Variants in SKOR2 observed in about 807,000 individuals in gnomAD.
SKOR2 encodes the protein SKI family transcriptional corepressor 2.
A neutral mutation model predicts 69.1 loss-of-function variants in SKOR2; 47 were observed. The observed-to-expected ratio is 0.68, with a 90% CI of 0.54 to 0.87. The LOEUF is 0.87. Among genes scored for constraint, SKOR2 ranks in the 40% least tolerant of loss-of-function variants. The probability of loss-of-function intolerance (pLI) is 0.00; values close to 1 mark genes in which losing one functional copy is unlikely to be tolerated. For synonymous variants in SKOR2, 717 were observed against 672.6 expected (o/e 1.07, Z -1.02); for missense variants, 1,404 against 1,472.2 (o/e 0.95, Z 0.76).
intron 4 of SKOR2, among the ~76,000 whole-genome samples, chr18:47,236,804 G>A (rs1201426980): frequency 1.3e-5 from 2 of 152,086 alleles, no homozygotes; most frequent in Non-Finnish European, 2.9e-5. Flanking sequence ...AGCCTGGCCA[G>A]ACTAAGACAT....
intron 4 of SKOR2, among the ~76,000 whole-genome samples, chr18:47,243,703 G>C (rs2064258887): frequency 4.6e-5 from 7 of 152,054 alleles, no homozygotes; most frequent in Admixed American, 4.6e-4. Flanking sequence ...TAGACACTTA[G>C]GGCAAATTTG....
Position 47,230,527 on chromosome 18 carries a change from A to G in SKOR2, c.2849T>C (p.Ile950Thr), listed in dbSNP as rs2064193626. The G allele has an allele frequency of 2.8e-6, 4 of 1,439,976 alleles. No individual in the cohort carries two copies. Among genetic ancestry groups the G allele is most frequent in the Non-Finnish European group, 2.7e-6 (3 of 1,103,586 alleles). 89.2% of individuals were successfully genotyped at this position (1,439,976 alleles called of 1,614,324 possible). ...TTGTTCCAGTCGTCTCCGTAAATCTATTTGTTCAAATAAAACCTTCTGAAG... is the reference window on the plus strand; with the variant it reads ...TTGTTCCAGTCGTCTCCGTAAATCTGTTTGTTCAAATAAAACCTTCTGAAG... Reference protein sequence around the residue: ...EELQKVLFEQIDLRRRLEQEF... With the variant: ...EELQKVLFEQTDLRRRLEQEF... Residue 950 changes from isoleucine to threonine, a missense_variant, in exon 6 of 9, where the codon ATA becomes ACA. By Grantham distance (89) the Ile-to-Thr change is moderately conservative. This residue lies in a region of SKOR2 where 1,266 missense variants were observed against 1,309.9 expected (regional missense o/e 0.97). Coordinates refer to ENST00000425639, the MANE Select transcript of SKOR2 (RefSeq NM_001278063.4).
At chr18:47,223,245 C>T (rs1323354988) in intron 6 of SKOR2, among the ~76,000 whole-genome samples, 1 of 152,018 alleles carries the variant, frequency 6.6e-6, no homozygotes, top group Non-Finnish European at 1.5e-5. Flanking sequence ...TATAAATGGG[C>T]ATTCACAAAA....
intron 1 of SKOR2, among the ~76,000 whole-genome samples, chr18:47,250,576 C>T (rs942503219): frequency 3.3e-5 from 5 of 152,226 alleles, no homozygotes; most frequent in African/African-American, 1.2e-4. Flanking sequence ...ACAGTGCTTT[C>T]AGAGGGTACA....
Position 47,248,973 on chromosome 18 carries a change from G to T in SKOR2, c.211C>A (p.Leu71Met). The change falls in exon 2 of 9, where the codon CTG (leucine) becomes ATG (methionine). Residue 71 changes from leucine (L) to methionine (M), a missense_variant. This residue lies in a region of SKOR2 where 104 missense variants were observed against 95.7 expected (regional missense o/e 1.09). Transcript: ENST00000425639. The surrounding 1 kb of genome is among the most constrained non-coding windows in gnomAD (Gnocchi z 6.4). ...RLCLAQISNT[L>M]LKNFSYNEIH... is the part of the protein sequence containing the mutation. ...TCGTTGTAGCTGAAGTTCTTGAGCA[G>T]AGTGTTGGAGATCTGCGCCAGGCAC... 1.3e-6 allele frequency: 2 copies of T among 1,570,372 alleles called. No homozygotes were observed. The highest frequency in any genetic ancestry group is 1.7e-6 in the Non-Finnish European group (2 of 1,165,230).
chr18:47,247,459 C>T lies in SKOR2; in HGVS notation c.1725G>A (p.Pro575=). Residue 575 remains proline (P), a synonymous_variant, in exon 2 of 9, where the codon CCG becomes CCA. Transcript: ENST00000425639. This position sits in a 1 kb window ranked among gnomAD's most constrained non-coding sequence, Gnocchi z 6.6. Reference sequence around the variant, plus strand: ...CGGCAGCTGCCACAGAGTCCGCGGGCGGCGTGGAGCCCGCGCTGCAGTCCC... The same window carrying T: ...CGGCAGCTGCCACAGAGTCCGCGGGTGGCGTGGAGCCCGCGCTGCAGTCCC... ...SGGDCSAGST[P]PADSVAAAGA... The T allele has an allele frequency of 8.1e-7, 1 of 1,233,050 alleles. No individual in the cohort carries two copies. The highest frequency in any genetic ancestry group is 1.0e-6 in the Non-Finnish European group (1 of 988,876). 76.4% of individuals were successfully genotyped at this position (1,233,050 alleles called of 1,614,324 possible).
At chr18:47,249,328 C>T (rs957654179) in intron 1 of SKOR2, 98 bp from the exon 2 acceptor site, 2 of 1,177,214 alleles carry the variant, frequency 1.7e-6, no homozygotes, top group African/African-American at 1.5e-5. Context: ...AACTTTCTTG[C>T]TTTGGTTAAG....
intron 8 of SKOR2, among the ~76,000 whole-genome samples, 154 bp from the exon 9 acceptor site, chr18:47,207,046 C>T (rs2064115283): frequency 1.3e-5 from 2 of 152,102 alleles, no homozygotes; most frequent in South Asian, 4.1e-4. Context: ...CAAGCCAAAC[C>T]AGAAATACTA....
intron 6 of SKOR2, among the ~76,000 whole-genome samples, chr18:47,221,254 C>T (rs1340629631): frequency 6.6e-6 from 1 of 152,136 alleles, no homozygotes; most frequent in East Asian, 1.9e-4. Context: ...GACCCAATCC[C>T]TACTGTCACC....
chr18:47,220,091 A>G, intron 6 of SKOR2, 81 bp from the exon 7 acceptor site: 1 of 1,161,554 alleles, frequency 8.6e-7, no homozygotes, highest in Non-Finnish European at 1.2e-6. Flanking sequence ...CATTATTGAC[A>G]GTCCCATGGA....
chr18:47,218,508 T>C (rs1038095869), intron 7 of SKOR2, among the ~76,000 whole-genome samples: 1 of 146,644 alleles, frequency 6.8e-6, no homozygotes, highest in African/African-American at 2.6e-5. Flanking sequence ...GAGGATTGCT[T>C]GAGCCCAGGA....
intron 6 of SKOR2, among the ~76,000 whole-genome samples, chr18:47,228,715 C>T (rs2064187199): frequency 6.6e-6 from 1 of 152,170 alleles, no homozygotes; most frequent in Admixed American, 6.5e-5. Context: ...TGCAGTCTTT[C>T]TTAAGATACA....
At position 47,247,569 on chromosome 18, in the gene SKOR2, C is replaced by G. The variant is rs1396760685; in HGVS notation, c.1615G>C (p.Gly539Arg). 2.4e-6 allele frequency: 3 copies of G among 1,242,508 alleles called. No homozygotes were observed. Among genetic ancestry groups the G allele is most frequent in the Non-Finnish European group, 3.0e-6 (3 of 994,654 alleles). 77.0% of individuals were successfully genotyped at this position (1,242,508 alleles called of 1,614,324 possible). A position where few individuals can be genotyped will look rare whatever the true frequency, so the allele number is the denominator to read the frequency against. Residue 539 changes from glycine (G) to arginine (R), a missense_variant, in exon 2 of 9, where the codon GGC (glycine) becomes CGC (arginine). Physicochemically the swap from Gly to Arg is moderately radical, Grantham distance 125. Coordinates refer to ENST00000425639, the MANE Select transcript of SKOR2 (RefSeq NM_001278063.4). This position sits in a 1 kb window ranked among gnomAD's most constrained non-coding sequence, Gnocchi z 6.6. The stretch of plus-strand genomic sequence containing the variant: ...GGAGGAGGTGGGCCGGAGCCCGGGC[C>G]GTTGGCCACTACCTGCGGGGGCTGC... ...PGQPPQVVANGPGSGPPPPAG... is the reference protein window; with the variant it reads ...PGQPPQVVANRPGSGPPPPAG...
intron 4 of SKOR2, chr18:47,234,385 A>G (rs2064212333): frequency 1.3e-5 from 2 of 152,274 alleles, no homozygotes; most frequent in Middle Eastern, 3.4e-3. Context: ...TGGGTTTGGA[A>G]ACATCCCTAA....
At chr18:47,235,892 C>G (rs1242998399) in intron 4 of SKOR2, among the ~76,000 whole-genome samples, 2 of 151,958 alleles carry the variant, frequency 1.3e-5, no homozygotes, top group East Asian at 3.9e-4. Flanking sequence ...CAAGAACCTG[C>G]AATGGCTCCC....
rs2064292112 is a variant in SKOR2 at position 47,248,226 on chromosome 18, C to T, written c.958G>A (p.Glu320Lys). 1 of 1,229,270 alleles carries T rather than the reference C, an allele frequency of 8.1e-7. No homozygotes were observed. The highest frequency in any genetic ancestry group is 1.6e-5 in the African/African-American group (1 of 63,562). 76.1% of individuals were successfully genotyped at this position (1,229,270 alleles called of 1,614,324 possible). A position where few individuals can be genotyped will look rare whatever the true frequency, so the allele number is the denominator to read the frequency against. The change falls in exon 2 of 9, where the codon GAG becomes AAG. Residue 320 changes from glutamate to lysine, a missense_variant. Coordinates refer to ENST00000425639, the MANE Select transcript of SKOR2 (RefSeq NM_001278063.4). The surrounding 1 kb of genome is among the most constrained non-coding windows in gnomAD (Gnocchi z 6.4). The part of the protein sequence containing the change: ...RFDDDDDSLQ[E>K]AAVVAAASLS... ...CTGGCGGCGGCCACTACGGCGGCCT[C>T]CTGCAAGGAGTCGTCGTCGTCGTCG...
chr18:47,213,832 C>T (rs1019641454), intron 7 of SKOR2, among the ~76,000 whole-genome samples: 1 of 152,112 alleles, frequency 6.6e-6, no homozygotes, highest in African/African-American at 2.4e-5. Flanking sequence ...CTCCAGTTAC[C>T]TCTTCTTTTC....
Position 47,249,083 on chromosome 18 carries a change from G to T in SKOR2, c.101C>A (p.Ala34Asp). 6.5e-7 allele frequency: 1 copy of T among 1,536,468 alleles called. No homozygotes were observed. Among genetic ancestry groups the T allele is most frequent in the Non-Finnish European group, 8.7e-7 (1 of 1,146,946 alleles). The change falls in exon 2 of 9, where the codon GCC becomes GAC. Residue 34 changes from alanine (A) to aspartate (D), a missense_variant. Coordinates refer to ENST00000425639, the MANE Select transcript of SKOR2 (RefSeq NM_001278063.4). ...GCCCACCTGGTTGGGTTTGAGGTTG[G>T]CGTGCCCTGGCCGCGGCTGGCTCAG... ...DTLSQPRPGH[A>D]NLKPNQVGQV... is the part of the protein sequence containing the mutation.
intron 4 of SKOR2, among the ~76,000 whole-genome samples, chr18:47,233,522 A>G (rs1358986011): frequency 6.6e-6 from 1 of 152,232 alleles, no homozygotes; most frequent in Non-Finnish European, 1.5e-5. Context: ...AAATACTGGC[A>G]TACAATATTG....
Sources: allele counts gnomAD v4.1 joint callset (sites outside exome capture counted in the v4.1 genomes callset), GRCh38; gene constraint gnomAD v4.1.1; regional missense constraint gnomAD v4.1.1; non-coding constraint Gnocchi (gnomAD v3.1); transcripts MANE v1.5; gene names NCBI Gene and HGNC (gene_info 2026-07-23, HGNC 2026-07-21).